The following SHROOM2 variants were observed in gnomAD, a reference collection of about 807,000 sequenced individuals.
The protein encoded by SHROOM2 is shroom family member 2.
In SHROOM2, 33 loss-of-function variants were observed where a neutral mutation model predicts 75.9. That is an observed-to-expected ratio of 0.43 (90% CI 0.33 to 0.58). SHROOM2 has a LOEUF of 0.58. Among genes scored for constraint, SHROOM2 ranks in the 20% least tolerant of loss-of-function variants. The probability of loss-of-function intolerance (pLI) is 0.04; values close to 1 mark genes in which losing one functional copy is unlikely to be tolerated. For missense variants in SHROOM2, 1,434 were observed against 1,461.2 expected (o/e 0.98, Z 0.30); for synonymous variants, 655 against 663.6 (o/e 0.99, Z 0.20).
chrX:9,910,070 A>C (rs1380845434), intron 5 of SHROOM2, among the ~76,000 whole-genome samples: 5 of 110,132 alleles, frequency 4.5e-5, no homozygotes, highest in Non-Finnish European at 9.5e-5. Context: ...TAACACCATC[A>C]CCTGGGGGTT....
intron 1 of SHROOM2, among the ~76,000 whole-genome samples, chrX:9,845,246 C>A (rs57798888): frequency 0.024 from 2,681 of 112,509 alleles, 77 homozygotes; most frequent in African/African-American, 0.082. Context: ...GGACTTTTTT[C>A]TTGTTTTTGT....
chrX:9,896,066 G>T lies in SHROOM2; in HGVS notation c.2158G>T (p.Asp720Tyr). 1 of 1,210,708 alleles carries T rather than the reference G, an allele frequency of 8.3e-7. No individual in the cohort carries two copies. Among genetic ancestry groups the T allele is most frequent in the African/African-American group, 1.7e-5 (1 of 57,993 alleles). ...YPESLEHRMG[D>Y]PDTVPHFWEA... ...GGAGTCACTGGAACACCGGATGGGG[G>T]ATCCAGACACTGTCCCCCACTTCTG... is the stretch of plus-strand genomic sequence containing the variant. Residue 720 changes from aspartate (D) to tyrosine (Y), a missense_variant, in exon 4 of 10, where the codon GAT (aspartate) becomes TAT (tyrosine). By Grantham distance (160) the Asp-to-Tyr change is radical. Transcript: ENST00000380913.
At chrX:9,874,454 C>A (rs1569155657) in intron 2 of SHROOM2, 1 of 112,439 alleles carries the variant, frequency 8.9e-6, no homozygotes, top group African/African-American at 3.2e-5. Context: ...TATTAACAGG[C>A]AAGTGCTTAC....
At position 9,939,335 on chromosome X, in the gene SHROOM2, G is replaced by A. The variant is rs1208239310; in HGVS notation, c.4280G>A (p.Ser1427Asn). 1.7e-6 allele frequency: 2 copies of A among 1,209,516 alleles called. No homozygotes were observed. The highest frequency in any genetic ancestry group is 4.4e-5 in the Admixed American group (2 of 45,799). ...CAGGAGCACGAAGAGGATTCGGGAA[G>A]CGACTTGGACCACGACCTGTCGGTG... ...EQQEHEEDSG[S>N]DLDHDLSVKK... Residue 1427 changes from serine to asparagine, a missense_variant, in exon 8 of 10, where the codon AGC becomes AAC. Transcript: ENST00000380913.
At chrX:9,928,089 C>T (rs1358706398) in intron 5 of SHROOM2, among the ~76,000 whole-genome samples, 1 of 111,901 alleles carries the variant, frequency 8.9e-6, no homozygotes, top group Admixed American at 9.4e-5. Context: ...AGGTTTGTCC[C>T]CTTCATATAA....
intron 1 of SHROOM2, among the ~76,000 whole-genome samples, chrX:9,827,547 G>T (rs1322491151): frequency 1.8e-5 from 2 of 110,004 alleles, no homozygotes; most frequent in East Asian, 5.8e-4. Flanking sequence ...TTTGGTTTGA[G>T]GCGAGGGAGC....
chrX:9,828,329 A>G (rs1437146633), intron 1 of SHROOM2, among the ~76,000 whole-genome samples: 1 of 112,238 alleles, frequency 8.9e-6, no homozygotes, highest in Non-Finnish European at 1.9e-5. Context: ...TTGGGTGGGG[A>G]CACAGAACCG....
intron 5 of SHROOM2, chrX:9,912,882 G>A (rs962043219): frequency 3.6e-5 from 4 of 112,349 alleles, no homozygotes; most frequent in Non-Finnish European, 7.5e-5. Flanking sequence ...ATGTGTAAGG[G>A]CATGCTCGCC....
At chrX:9,792,274 G>A (rs930142293) in intron 1 of SHROOM2, among the ~76,000 whole-genome samples, 11 of 110,787 alleles carry the variant, frequency 9.9e-5, no homozygotes, top group Non-Finnish European at 1.5e-4. Context: ...CCCATTATGG[G>A]TGTGAATGTT....
At chrX:9,898,366 T>A in intron 5 of SHROOM2, 76 bp downstream of exon 5, 1 of 801,219 alleles carries the variant, frequency 1.2e-6, no homozygotes, top group Non-Finnish European at 1.8e-6. Flanking sequence ...GGGTGCTTGG[T>A]TAACATGGCT....
intron 2 of SHROOM2, among the ~76,000 whole-genome samples, chrX:9,888,445 A>G: frequency 9.0e-6 from 1 of 111,076 alleles, no homozygotes. Flanking sequence ...AATCTGTCAC[A>G]CGTATATATT....
At position 9,863,613 on chromosome X, in the gene SHROOM2, T is replaced by TG. The variant is rs376834536; in HGVS notation, c.166-10031dup. Among the ~76,000 whole-genome samples, 84 of 104,472 alleles carry TG rather than the reference T, an allele frequency of 8.0e-4. 1 individual carries two copies. Among genetic ancestry groups the TG allele is most frequent in the South Asian group, 6.5e-3 (15 of 2,297 alleles). The allele number at this position is 104,472 out of a possible 115,157, so 90.7% of individuals were successfully genotyped here. A position where few individuals can be genotyped will look rare whatever the true frequency, so the allele number is the denominator to read the frequency against. ...GTTAGTGTTATTTATTATTTTTTTTTGGGGGGGGTGTATATTTCTTAAGAG... is the reference window on the plus strand; with the variant it reads ...GTTAGTGTTATTTATTATTTTTTTTTGGGGGGGGGTGTATATTTCTTAAGAG... On this transcript the variant is annotated intron_variant, in intron 1 of 9. Transcript: ENST00000380913.
chrX:9,896,661 G>T lies in SHROOM2; in HGVS notation c.2753G>T (p.Arg918Met). The T allele has an allele frequency of 1.7e-6, 2 of 1,199,604 alleles. No homozygotes were observed. The highest frequency in any genetic ancestry group is 2.2e-6 in the Non-Finnish European group (2 of 889,356). Residue 918 changes from arginine (R) to methionine (M), a missense_variant, in exon 4 of 10, where the codon AGG becomes ATG. Physicochemically the swap from Arg to Met is moderately conservative, Grantham distance 91 (BLOSUM62 -1). Transcript: ENST00000380913. Reference protein sequence around the residue: ...PQERPQHVHGRSRSSPSTDHY... With the variant: ...PQERPQHVHGMSRSSPSTDHY... ...GAGAGGCCGCAGCACGTTCATGGGAGGTCCCGGTCTTCACCGTCCACAGAC... is the reference window on the plus strand; with the variant it reads ...GAGAGGCCGCAGCACGTTCATGGGATGTCCCGGTCTTCACCGTCCACAGAC...
At chrX:9,791,730 C>T (rs1020148833) in intron 1 of SHROOM2, among the ~76,000 whole-genome samples, 3 of 111,101 alleles carry the variant, frequency 2.7e-5, no homozygotes, top group Non-Finnish European at 5.6e-5. Flanking sequence ...CGGTGGCTCA[C>T]GCCTGTAATC....
intron 2 of SHROOM2, among the ~76,000 whole-genome samples, chrX:9,889,967 GCTTA>G (rs2084281305): frequency 8.9e-6 from 1 of 112,578 alleles, no homozygotes; most frequent in Non-Finnish European, 1.9e-5. Flanking sequence ...GGCAACATTT[GCTTA>G]CTTATTTATT....
intron 5 of SHROOM2, among the ~76,000 whole-genome samples, chrX:9,930,006 C>T (rs892187099): frequency 9.8e-5 from 11 of 111,714 alleles, no homozygotes; most frequent in Non-Finnish European, 2.1e-4. Flanking sequence ...GCCTCCCCAG[C>T]CATGTGGAAC....
intron 5 of SHROOM2, among the ~76,000 whole-genome samples, chrX:9,915,281 G>A (rs371359978): frequency 1.8e-5 from 2 of 111,239 alleles, no homozygotes; most frequent in East Asian, 5.6e-4. Context: ...CCAGCTCTGT[G>A]GGGTGATTTG....
intron 1 of SHROOM2, among the ~76,000 whole-genome samples, chrX:9,788,962 C>T (rs137982102): frequency 0.013 from 1,426 of 111,324 alleles, 12 homozygotes; most frequent in Non-Finnish European, 0.018. Flanking sequence ...CATATATCAC[C>T]TTTGCTCTTA....
intron 1 of SHROOM2, among the ~76,000 whole-genome samples, chrX:9,800,957 C>T (rs922543311): frequency 9.0e-6 from 1 of 111,605 alleles, no homozygotes; most frequent in Admixed American, 9.6e-5. Context: ...TTTCCACCCT[C>T]GTTTGCCAGT....
Sources: allele counts gnomAD v4.1 joint callset (sites outside exome capture counted in the v4.1 genomes callset), GRCh38; gene constraint gnomAD v4.1.1; transcripts MANE v1.5; gene names NCBI Gene and HGNC (gene_info 2026-07-23, HGNC 2026-07-21).